IRAK3: variants seen among roughly 807,000 people sequenced by gnomAD.
The protein encoded by IRAK3 is interleukin 1 receptor associated kinase 3.
Under a neutral mutation model 56.6 loss-of-function variants are expected in IRAK3, and 57 were observed. That is an observed-to-expected ratio of 1.01 (90% confidence interval 0.81 to 1.26). The LOEUF (loss-of-function observed/expected upper bound fraction) is 1.26. IRAK3 is among the 50% of genes most tolerant of loss of function. The probability of loss-of-function intolerance (pLI) is 0.00; values close to 1 mark genes in which losing one functional copy is unlikely to be tolerated. For synonymous variants in IRAK3, 258 were observed against 255.7 expected (o/e 1.01, Z -0.09); for missense variants, 703 against 719.0 (o/e 0.98, Z 0.25).
At chr12:66,202,081 T>C (rs979494756) in intron 1 of IRAK3, among the ~76,000 whole-genome samples, 4 of 152,224 alleles carry the variant, frequency 2.6e-5, no homozygotes, top group Non-Finnish European at 5.9e-5. Context: ...TGAGTAAATA[T>C]ATTATCAATA....
rs146378712 is a variant in IRAK3, at chr12:66,243,092, G to A, written c.888-1394G>A. On this transcript the variant is annotated intron_variant, in intron 8 of 11. Transcript: ENST00000261233. Reference sequence around the variant, plus strand: ...GAAAAAAAAAAAAAGACCACCGGAAGTGCCTTTGTTTTTTCTGTTGTCAAC... The same window carrying A: ...GAAAAAAAAAAAAAGACCACCGGAAATGCCTTTGTTTTTTCTGTTGTCAAC... Among the ~76,000 whole-genome samples the A allele has an allele frequency of 8.1e-3, 1,225 of 151,936 alleles. 10 individuals carry two copies. The highest frequency in any genetic ancestry group is 0.014 in the Non-Finnish European group (968 of 67,958).
rs368370659 is a variant in IRAK3, at chr12:66,210,090, T to C, written c.382-57T>C. On this transcript the variant is annotated intron_variant, in intron 3 of 11. Transcript: ENST00000261233. ...GGGAGCTTTGGATTTGTGTTGAGGCTCTGTTCTTTCTAGATGTATGAAATG... is the reference window on the plus strand; with the variant it reads ...GGGAGCTTTGGATTTGTGTTGAGGCCCTGTTCTTTCTAGATGTATGAAATG... 762 of 1,130,312 alleles carry C rather than the reference T, an allele frequency of 6.7e-4. 3 individuals are homozygous for C. The highest frequency in any genetic ancestry group is 3.5e-3 in the Middle Eastern group (18 of 5,112). 70.0% of individuals were successfully genotyped at this position (1,130,312 alleles called of 1,614,324 possible).
rs200655368 is a variant in IRAK3 at position 66,248,128 on chromosome 12, C to T, written c.1748C>T (p.Ser583Phe). Residue 583 changes from serine to phenylalanine, a missense_variant, in exon 12 of 12, where the codon TCC becomes TTC. Transcript: ENST00000261233. ...AGGCCAGTGGAGAGCAGCTGTTCCT[C>T]CAAATTTTCCTGGGATGAATATGAA... The part of the protein sequence containing the change: ...RSRPVESSCS[S>F]KFSWDEYEQY... 43 of 1,612,056 alleles carry T rather than the reference C, an allele frequency of 2.7e-5. No individual in the cohort carries two copies. In the African/African-American group the frequency reaches 5.1e-4, roughly 19 times the overall value.
At chr12:66,217,371 G>T (rs2052688113) in intron 6 of IRAK3, 136 bp downstream of exon 6, 1 of 767,644 alleles carries the variant, frequency 1.3e-6, no homozygotes, top group East Asian at 2.4e-5. Context: ...AATAAATTTT[G>T]ATATCTGCTT....
chr12:66,217,119 C>A, intron 5 of IRAK3, 52 bp from the exon 6 acceptor site: 3 of 1,339,990 alleles, frequency 2.2e-6, no homozygotes, highest in Non-Finnish European at 3.2e-6. Flanking sequence ...GGTTAAGAAT[C>A]CCAGAAACAG....
chr12:66,245,196 C>T lies in IRAK3; in HGVS notation c.1248C>T (p.Ala416=), dbSNP rs1321286426. 1 of 1,614,148 alleles carries T rather than the reference C, an allele frequency of 6.2e-7. No homozygotes were observed. The highest frequency in any genetic ancestry group is 2.2e-5 in the East Asian group (1 of 44,882). ...CTCCCTGCCCTCGGAATTTCTCTGCCAAGCTCTTCTGTTTGGCAGGCCGGT... is the reference window on the plus strand; with the variant it reads ...CTCCCTGCCCTCGGAATTTCTCTGCTAAGCTCTTCTGTTTGGCAGGCCGGT... ...KVPPCPRNFS[A]KLFCLAGRCA... is the part of the protein sequence containing the mutation. Residue 416 remains alanine (A), a synonymous_variant, in exon 11 of 12, where the codon GCC becomes GCT. Transcript: ENST00000261233.
chr12:66,221,476 G>C (rs560331244), intron 6 of IRAK3, among the ~76,000 whole-genome samples: 1 of 152,212 alleles, frequency 6.6e-6, no homozygotes, highest in South Asian at 2.1e-4. Flanking sequence ...TCACTGTTAA[G>C]GTATGATGTT....
At chr12:66,208,913 A>G (rs914094852) in intron 2 of IRAK3, among the ~76,000 whole-genome samples, 1 of 151,872 alleles carries the variant, frequency 6.6e-6, no homozygotes, top group African/African-American at 2.4e-5. Context: ...AAAATACAAA[A>G]AAAATTAGCC....
intron 1 of IRAK3, among the ~76,000 whole-genome samples, chr12:66,200,804 A>G (rs2052499885): frequency 6.6e-6 from 1 of 152,038 alleles, no homozygotes; most frequent in Admixed American, 6.6e-5. Context: ...GGACTCTAAA[A>G]CAGACTTTTG....
chr12:66,205,200 G>A (rs1404066861), intron 2 of IRAK3, among the ~76,000 whole-genome samples: 1 of 152,132 alleles, frequency 6.6e-6, no homozygotes, highest in Non-Finnish European at 1.5e-5. Context: ...AAATTTTAGG[G>A]TATATTTTCA....
intron 1 of IRAK3, among the ~76,000 whole-genome samples, chr12:66,195,980 ACC>A (rs60733154): frequency 7.0e-6 from 1 of 141,932 alleles, no homozygotes; most frequent in Admixed American, 7.0e-5. Context: ...TAAAATTGAC[ACC>A]CCCCCCCACC....
At chr12:66,240,114 A>G (rs2052951257) in intron 8 of IRAK3, among the ~76,000 whole-genome samples, 1 of 152,176 alleles carries the variant, frequency 6.6e-6, no homozygotes, top group Non-Finnish European at 1.5e-5. Context: ...CATAGGATGG[A>G]CAATGGCCAG....
At chr12:66,190,568 T>G (rs1386939005) in intron 1 of IRAK3, among the ~76,000 whole-genome samples, 1 of 152,156 alleles carries the variant, frequency 6.6e-6, no homozygotes, top group African/African-American at 2.4e-5. Flanking sequence ...TTTAGTCCAG[T>G]TTAATGTTGG....
intron 8 of IRAK3, among the ~76,000 whole-genome samples, chr12:66,239,084 C>A (rs529888631): frequency 6.6e-6 from 1 of 152,280 alleles, no homozygotes; most frequent in Non-Finnish European, 1.5e-5. Flanking sequence ...AATGGAAATG[C>A]ATTTTATCCT....
At chr12:66,199,309 G>A (rs1565798744) in intron 1 of IRAK3, among the ~76,000 whole-genome samples, 1 of 152,188 alleles carries the variant, frequency 6.6e-6, no homozygotes, top group Non-Finnish European at 1.5e-5. Context: ...CTGGAGTTGT[G>A]TCATAGGTCG....
In IRAK3 at chr12:66,245,229, A is replaced by G. The variant is rs2136953381; in HGVS notation, c.1281A>G (p.Ala427=). The change falls in exon 11 of 12, where the codon GCA becomes GCG. Residue 427 remains alanine, a synonymous_variant. Transcript: ENST00000261233. ...KLFCLAGRCA[A]TRAKLRPSMD... is the part of the protein sequence containing the mutation. ...TCTGTTTGGCAGGCCGGTGTGCTGC[A>G]ACGCGGGCAAAGTTAAGACCATCAA... 6.2e-7 allele frequency: 1 copy of G among 1,614,212 alleles called. No individual in the cohort carries two copies. Among genetic ancestry groups the G allele is most frequent in the Non-Finnish European group, 8.5e-7 (1 of 1,180,034 alleles).
chr12:66,225,967 A>G (rs1229926017), intron 6 of IRAK3, among the ~76,000 whole-genome samples: 5 of 152,188 alleles, frequency 3.3e-5, no homozygotes. Context: ...AATGGTCTTT[A>G]TTCTTATGTT....
intron 1 of IRAK3, among the ~76,000 whole-genome samples, chr12:66,192,474 T>C (rs1362814461): frequency 2.0e-5 from 3 of 152,132 alleles, no homozygotes; most frequent in African/African-American, 7.2e-5. Flanking sequence ...TACATTACCA[T>C]AGATTGGTAT....
At chr12:66,196,204 A>G (rs1286424805) in intron 1 of IRAK3, among the ~76,000 whole-genome samples, 2 of 152,186 alleles carry the variant, frequency 1.3e-5, no homozygotes, top group Non-Finnish European at 2.9e-5. Context: ...CTCTCTTAGC[A>G]TCGAAAATTG....
Sources: gnomAD v4.1 joint callset for allele counts (sites outside exome capture counted in the v4.1 genomes callset) on GRCh38, gnomAD v4.1.1 for gene constraint, MANE v1.5 for transcripts, NCBI Gene and HGNC (gene_info 2026-07-23, HGNC 2026-07-21) for gene names.